The following LMAN1L variants were observed in gnomAD, a reference collection of about 807,000 sequenced individuals.
The protein encoded by LMAN1L is protein ERGIC-53-like.
In LMAN1L, 60 loss-of-function variants were observed where a neutral mutation model predicts 58.3. That is an observed-to-expected ratio of 1.03 (90% CI 0.84 to 1.27). The LOEUF (loss-of-function observed/expected upper bound fraction) is 1.27, where lower values mean the gene tolerates loss of function less well. LMAN1L is among the 50% of genes most tolerant of loss of function. The pLI, the probability that LMAN1L is intolerant of heterozygous loss-of-function variation, is 0.00. For synonymous variants in LMAN1L, 280 were observed against 271.6 expected (o/e 1.03, Z -0.31); for missense variants, 629 against 674.0 (o/e 0.93, Z 0.74).
intron 1 of LMAN1L, chr15:74,813,247 C>G: frequency 1.5e-6 from 1 of 658,600 alleles, no homozygotes; most frequent in East Asian, 2.9e-5. Flanking sequence ...TCCTCTGCCT[C>G]TCTGCTTCCC....
In LMAN1L at chr15:74,816,475, G is replaced by A. The variant is rs1490407403; in HGVS notation, c.379G>A (p.Gly127Arg). ...GRGHVGSVLG[G>R]LASWDGIGIF... ...GGGCCATGTAGGCTCTGTCCTTGGG[G>A]GGCTGGCTTCGTGGGACGGCATCGG... is the stretch of plus-strand genomic sequence containing the variant. Residue 127 changes from glycine to arginine, a missense_variant, in exon 3 of 14, where the codon GGG becomes AGG. This residue lies in a region of LMAN1L where 573 missense variants were observed against 597.3 expected (regional missense o/e 0.96). Transcript: ENST00000309664. The A allele has an allele frequency of 1.3e-6, 2 of 1,551,890 alleles. No individual in the cohort carries two copies. Among genetic ancestry groups the A allele is most frequent in the South Asian group, 1.2e-5 (1 of 81,248 alleles).
rs773719480 is a variant in LMAN1L, at chr15:74,823,542, T to A, written c.1200-17T>A. 3.8e-5 allele frequency: 61 copies of A among 1,613,160 alleles called. No individual in the cohort carries two copies. In the Admixed American group the frequency reaches 1.0e-3, roughly 27 times the overall value. On this transcript the variant is annotated splice_polypyrimidine_tract_variant and intron_variant, in intron 11 of 13. Coordinates refer to ENST00000309664, the MANE Select transcript of LMAN1L (RefSeq NM_021819.3). ...AGAGGTAATGAGTCATCTTACTTGG[T>A]TACCACCCCCGGTTAGGGATGCAGC...
chr15:74,820,172 A>G lies in LMAN1L; in HGVS notation c.774+73A>G, dbSNP rs1428738796. On this transcript the variant is annotated intron_variant, in intron 7 of 13. Transcript: ENST00000309664. ...CCCTCACCCATGTCATGGTGCCCTC[A>G]GACCTGCCATTCCAGCCCTTACCTC... is the stretch of plus-strand genomic sequence containing the variant. 8 of 1,321,442 alleles carry G rather than the reference A, an allele frequency of 6.1e-6. No homozygotes were observed. In the African/African-American group the frequency reaches 8.7e-5, roughly 14 times the overall value. The allele number at this position is 1,321,442 out of a possible 1,614,324, so 81.9% of individuals were successfully genotyped here.
Position 74,821,079 on chromosome 15 carries a change from A to G in LMAN1L, c.912A>G (p.Glu304=), listed in dbSNP as rs1218323621. ...CAGCTCTGCCCTAATCCCCAGGGGAAAGGCTCTTTGACCTGGAGGAGACGC... is the reference window on the plus strand; with the variant it reads ...CAGCTCTGCCCTAATCCCCAGGGGAGAGGCTCTTTGACCTGGAGGAGACGC... ...KSDSEAQGEG[E]RLFDLEETLG... The change falls in exon 9 of 14, where the codon GAA becomes GAG. Residue 304 remains glutamate, a synonymous_variant. Transcript: ENST00000309664. 4 of 1,576,864 alleles carry G rather than the reference A, an allele frequency of 2.5e-6. No homozygotes were observed. The highest frequency in any genetic ancestry group is 3.4e-6 in the Non-Finnish European group (4 of 1,161,482).
intron 7 of LMAN1L, 90 bp downstream of exon 7, chr15:74,820,189 C>A: frequency 8.6e-7 from 1 of 1,158,358 alleles, no homozygotes; most frequent in Non-Finnish European, 1.3e-6. Context: ...CCATTCCAGC[C>A]CTTACCTCCA....
intron 1 of LMAN1L, 127 bp from the exon 2 acceptor site, chr15:74,816,030 G>A (rs1596377849): frequency 9.9e-6 from 12 of 1,207,396 alleles, no homozygotes; most frequent in South Asian, 6.3e-5. Flanking sequence ...CTGGCTGGCC[G>A]CTTATTTAAT....
At chr15:74,814,608 C>T (rs1322598587) in intron 1 of LMAN1L, among the ~76,000 whole-genome samples, 1 of 152,138 alleles carries the variant, frequency 6.6e-6, no homozygotes. Context: ...CTCCTGACCT[C>T]GTGATCCGCC....
At position 74,816,625 on chromosome 15, in the gene LMAN1L, C is replaced by CA. The variant is rs753467337; in HGVS notation, c.439-7_439-6insA. On this transcript the variant is annotated splice_polypyrimidine_tract_variant and splice_region_variant and intron_variant, in intron 3 of 13. Coordinates refer to ENST00000309664, the MANE Select transcript of LMAN1L (RefSeq NM_021819.3). ...CGCGGCTCAGGCTGCTTCTCACCTCCCTGCAGGACAGTCCTGCCATCCGTG... is the reference window on the plus strand; with the variant it reads ...CGCGGCTCAGGCTGCTTCTCACCTCCACTGCAGGACAGTCCTGCCATCCGTG... 4.3e-6 allele frequency: 7 copies of CA among 1,612,630 alleles called. No individual in the cohort carries two copies. The African/African-American group carries it at 9.3e-5, about 22-fold the overall frequency.
At chr15:74,824,853 T>A (rs2063934053) in intron 13 of LMAN1L, 2 of 176,640 alleles carry the variant, frequency 1.1e-5, no homozygotes, top group Admixed American at 5.9e-5. Flanking sequence ...GACTAGGAGT[T>A]TTCCACCCTG....
Position 74,821,344 on chromosome 15 carries a change from G to A in LMAN1L, c.1059+118G>A, listed in dbSNP as rs1338315595. 4.9e-6 allele frequency: 6 copies of A among 1,234,352 alleles called. No individual in the cohort carries two copies. The Admixed American group carries it at 1.3e-4, about 26-fold the overall frequency. The allele number at this position is 1,234,352 out of a possible 1,614,324, so 76.5% of individuals were successfully genotyped here. On this transcript the variant is annotated intron_variant, in intron 9 of 13. Transcript: ENST00000309664. ...AGGGAAAGGAAGGCAGGGATGAAAT[G>A]CTGCAGGTCACAGGATGGGGCAGGG...
At chr15:74,816,893 C>T (rs1389248335) in intron 4 of LMAN1L, among the ~76,000 whole-genome samples, 2 of 152,188 alleles carry the variant, frequency 1.3e-5, no homozygotes, top group African/African-American at 4.8e-5. Context: ...GGTGAAATGA[C>T]ACAGGCTGGG....
At position 74,819,506 on chromosome 15, in the gene LMAN1L, C is replaced by T. The variant is rs553725324; in HGVS notation, c.718+234C>T. On this transcript the variant is annotated intron_variant, in intron 6 of 13. Coordinates refer to ENST00000309664, the MANE Select transcript of LMAN1L (RefSeq NM_021819.3). ...CATAAGTGCCCCTAGCTGTGAGTTG[C>T]GGGACAAGTGGAAGACAGACAGCAA... 1,167 of 543,606 alleles carry T rather than the reference C, an allele frequency of 2.1e-3. 1 individual carries two copies. The highest frequency in any genetic ancestry group is 3.3e-3 in the Non-Finnish European group (1,038 of 313,962). 33.7% of individuals were successfully genotyped at this position (543,606 alleles called of 1,614,324 possible).
In LMAN1L at chr15:74,823,639, A is replaced by G. The variant is rs142493506; in HGVS notation, c.1280A>G (p.Asp427Gly). Residue 427 changes from aspartate to glycine, a missense_variant, in exon 12 of 14, where the codon GAC becomes GGC. By Grantham distance (94) the Asp-to-Gly change is moderately conservative. This residue lies in a region of LMAN1L where 573 missense variants were observed against 597.3 expected (regional missense o/e 0.96). Coordinates refer to ENST00000309664, the MANE Select transcript of LMAN1L (RefSeq NM_021819.3). ...VGIEHHFLELDHILGLLQEEL... is the reference protein window; with the variant it reads ...VGIEHHFLELGHILGLLQEEL... ...ATTGAGCATCATTTCTTAGAGCTGG[A>G]CCACATCCTGGGCCTCCTGCAGGAG... The G allele has an allele frequency of 6.2e-7, 1 of 1,613,792 alleles. No homozygotes were observed. The highest frequency in any genetic ancestry group is 1.3e-5 in the African/African-American group (1 of 74,878).
In LMAN1L at chr15:74,812,850, T is replaced by C. The variant is rs2063871416; in HGVS notation, c.-5T>C. The stretch of plus-strand genomic sequence containing the variant: ...CCCGGGGCCCAGACTTCAGGCGCCT[T>C]CACGATGCCGGCGGTCAGTGGTCCA... On this transcript the variant is annotated 5_prime_UTR_variant, in exon 1 of 14. Transcript: ENST00000309664. 1 of 1,590,300 alleles carries C rather than the reference T, an allele frequency of 6.3e-7. No homozygotes were observed. Among genetic ancestry groups the C allele is most frequent in the African/African-American group, 1.3e-5 (1 of 74,176 alleles).
chr15:74,820,824 C>T (rs901391098), intron 8 of LMAN1L, 57 bp downstream of exon 8: 7 of 1,564,984 alleles, frequency 4.5e-6, no homozygotes, highest in Admixed American at 3.7e-5. Context: ...GCATCCTCCA[C>T]CCTTATGACC....
chr15:74,816,770 C>A, intron 4 of LMAN1L, 80 bp downstream of exon 4: 1 of 1,339,582 alleles, frequency 7.5e-7, no homozygotes, highest in Non-Finnish European at 1.0e-6. Flanking sequence ...AGCCCCTGCC[C>A]CAGCCTCCTC....
chr15:74,817,871 G>A (rs1410089371), intron 4 of LMAN1L, among the ~76,000 whole-genome samples: 1 of 151,996 alleles, frequency 6.6e-6, no homozygotes, highest in African/African-American at 2.4e-5. Context: ...AAATTAGCCG[G>A]GTGTGGTGGC....
intron 11 of LMAN1L, 47 bp from the exon 12 acceptor site, chr15:74,823,512 G>A (rs1396173295): frequency 1.2e-6 from 2 of 1,606,330 alleles, no homozygotes; most frequent in Non-Finnish European, 1.7e-6. Context: ...CTGGGTGGAA[G>A]CAGAAGAGGT....
intron 8 of LMAN1L, 28 bp downstream of exon 8, chr15:74,820,795 C>G: frequency 6.3e-7 from 1 of 1,594,400 alleles, no homozygotes; most frequent in Non-Finnish European, 8.5e-7. Flanking sequence ...GGGCAGGTGG[C>G]GCCCATCTGA....
Sources: gnomAD v4.1 joint callset for allele counts (sites outside exome capture counted in the v4.1 genomes callset) on GRCh38, gnomAD v4.1.1 for gene constraint, gnomAD v4.1.1 regional missense constraint, MANE v1.5 for transcripts, NCBI Gene and HGNC (gene_info 2026-07-23, HGNC 2026-07-21) for gene names.